Variants in GALNT17 observed in about 807,000 individuals in gnomAD.
GALNT17 encodes the protein UDP-GalNAc:polypeptide N-acetylgalactosaminyltransferase-like 3.
In GALNT17, 29 loss-of-function variants were observed where a neutral mutation model predicts 63.7. That is an observed-to-expected ratio of 0.46 (90% CI 0.34 to 0.62). The LOEUF is 0.62. Among genes scored for constraint, GALNT17 ranks in the 20% least tolerant of loss-of-function variants. GALNT17 has a pLI of 0.01. For synonymous variants in GALNT17, 305 were observed against 318.3 expected (o/e 0.96, Z 0.45); for missense variants, 603 against 799.6 (o/e 0.75, Z 2.97).
chr7:71,251,563 C>T (rs1314034886), intron 1 of GALNT17, among the ~76,000 whole-genome samples: 1 of 152,112 alleles, frequency 6.6e-6, no homozygotes, highest in Non-Finnish European at 1.5e-5. Flanking sequence ...GTGTGCACCA[C>T]TGCACCTAGC....
chr7:71,212,845 T>C (rs1213536324), intron 1 of GALNT17, among the ~76,000 whole-genome samples: 2 of 152,180 alleles, frequency 1.3e-5, no homozygotes, highest in Non-Finnish European at 2.9e-5. Flanking sequence ...ATTTACCCAA[T>C]ACCTGTACCC....
At chr7:71,542,586 C>A (rs1488030933) in intron 5 of GALNT17, among the ~76,000 whole-genome samples, 1 of 151,552 alleles carries the variant, frequency 6.6e-6, no homozygotes, top group African/African-American at 2.4e-5. Context: ...GTCCCAGCTA[C>A]TCTGGAGGCT....
chr7:71,362,892 A>G (rs1008863572), intron 2 of GALNT17, among the ~76,000 whole-genome samples: 1 of 151,128 alleles, frequency 6.6e-6, no homozygotes, highest in East Asian at 1.9e-4. Flanking sequence ...CACGCTGAAC[A>G]CTCCTTTCCC....
rs1404668077 is a variant in GALNT17 at position 71,602,695 on chromosome 7, G to C, written c.1080+31293G>C. ...TCATTTTCAGGCTCCCAGATTAATT[G>C]TAGATTGTCAGAGGGCCCCAAAAGT... is the stretch of plus-strand genomic sequence containing the variant. On this transcript the variant is annotated intron_variant, in intron 6 of 10. Transcript: ENST00000333538. Among the ~76,000 whole-genome samples, 5 of 152,224 alleles carry C rather than the reference G, an allele frequency of 3.3e-5. No homozygotes were observed. In the South Asian group the frequency reaches 1.0e-3, roughly 32 times the overall value.
At chr7:71,194,796 T>C (rs571546567) in intron 1 of GALNT17, among the ~76,000 whole-genome samples, 9 of 152,234 alleles carry the variant, frequency 5.9e-5, no homozygotes, top group Non-Finnish European at 1.2e-4. Context: ...AATTAAAGCA[T>C]GCTACCTTGG....
At chr7:71,667,859 G>C (rs942762109) in intron 7 of GALNT17, among the ~76,000 whole-genome samples, 1 of 151,880 alleles carries the variant, frequency 6.6e-6, no homozygotes, top group Non-Finnish European at 1.5e-5. Context: ...GAGTGTAGTG[G>C]TACGATCTTG....
intron 2 of GALNT17, among the ~76,000 whole-genome samples, chr7:71,375,611 GA>G (rs1343425986): frequency 6.6e-6 from 1 of 152,152 alleles, no homozygotes; most frequent in African/African-American, 2.4e-5. Context: ...TAGAGACACG[GA>G]TCTCCCTCTG....
chr7:71,256,971 A>ACT (rs1044311444), intron 1 of GALNT17, among the ~76,000 whole-genome samples: 56 of 151,280 alleles, frequency 3.7e-4, no homozygotes, highest in Admixed American at 2.7e-3. Flanking sequence ...TTCTAAAAGG[A>ACT]CTCTCTCTCT....
chr7:71,420,763 C>A, intron 4 of GALNT17, 145 bp from the exon 5 acceptor site: 1 of 921,672 alleles, frequency 1.1e-6, no homozygotes, highest in Non-Finnish European at 1.7e-6. Context: ...GTGGGCAGGT[C>A]CCTGGGAGCC....
At chr7:71,201,136 A>G (rs1202644) in intron 1 of GALNT17, among the ~76,000 whole-genome samples, 49,812 of 150,370 alleles carry the variant, frequency 0.33, 10,048 homozygotes, top group African/African-American at 0.57. Context: ...CATTAAATCC[A>G]TTTTCAGTAA....
chr7:71,143,878 TAA>T (rs373113522), intron 1 of GALNT17, among the ~76,000 whole-genome samples: 15 of 142,360 alleles, frequency 1.1e-4, no homozygotes, highest in African/African-American at 1.8e-4. Flanking sequence ...CATCTCTATT[TAA>T]AAAAAAAAAA....
chr7:71,207,082 G>A (rs1789285854), intron 1 of GALNT17, among the ~76,000 whole-genome samples: 1 of 151,906 alleles, frequency 6.6e-6, no homozygotes, highest in Non-Finnish European at 1.5e-5. Context: ...CTCCAGCCTG[G>A]GCGACAGAGC....
intron 1 of GALNT17, among the ~76,000 whole-genome samples, chr7:71,328,461 A>G (rs1166957352): frequency 6.6e-6 from 1 of 152,038 alleles, no homozygotes; most frequent in Non-Finnish European, 1.5e-5. Flanking sequence ...GCCTCTGACG[A>G]CTGAGCAAGG....
At chr7:71,409,102 C>T (rs1563071636) in intron 3 of GALNT17, among the ~76,000 whole-genome samples, 1 of 151,040 alleles carries the variant, frequency 6.6e-6, no homozygotes. Flanking sequence ...AATGGCATGC[C>T]AAACCCTCAC....
chr7:71,698,706 A>G (rs971709348), intron 9 of GALNT17, among the ~76,000 whole-genome samples: 5 of 152,138 alleles, frequency 3.3e-5, no homozygotes, highest in Admixed American at 1.3e-4. Context: ...AGAAGGAAAC[A>G]GAGGAGCCTG....
intron 1 of GALNT17, among the ~76,000 whole-genome samples, chr7:71,271,206 A>G (rs532434283): frequency 1.3e-5 from 2 of 152,326 alleles, no homozygotes; most frequent in African/African-American, 2.4e-5. Context: ...TGGGTGCTGC[A>G]TATTTTCTTT....
rs1791620772 is a variant in GALNT17, at chr7:71,321,922, C to CTTCCTTCCTTCCTTCCTTCCCCTCCCT, written c.239-13628_239-13627insTTCCTTCCTTCCTTCCTTCCCCTCCCT. Among the ~76,000 whole-genome samples, 49 of 28,472 alleles carry CTTCCTTCCTTCCTTCCTTCCCCTCCCT rather than the reference C, an allele frequency of 1.7e-3. 1 individual carries two copies. Among genetic ancestry groups the CTTCCTTCCTTCCTTCCTTCCCCTCCCT allele is most frequent in the Non-Finnish European group, 4.7e-4 (7 of 14,888 alleles). 18.7% of individuals were successfully genotyped at this position (28,472 alleles called of 152,430 possible). On this transcript the variant is annotated intron_variant, in intron 1 of 10. Coordinates refer to ENST00000333538, the MANE Select transcript of GALNT17 (RefSeq NM_022479.3). The stretch of plus-strand genomic sequence containing the variant: ...TCCTTCCTTCCTTCCTTCCTTCCTT[C>CTTCCTTCCTTCCTTCCTTCCCCTCCCT]CCCTCCCTCCCTCCCTCCCTCCCTT...
rs1787715197 is a variant in GALNT17, at chr7:71,133,053, G to C, written c.238+13G>C. 6.5e-7 allele frequency: 1 copy of C among 1,536,160 alleles called. No homozygotes were observed. Among genetic ancestry groups the C allele is most frequent in the African/African-American group, 1.4e-5 (1 of 71,050 alleles). On this transcript the variant is annotated intron_variant, in intron 1 of 10. Transcript: ENST00000333538. ...CGGCAGCTGAATGGTAAGGACGCAC[G>C]CCGGCGCCTCCGGGGCTCGACGCGG...
intron 1 of GALNT17, among the ~76,000 whole-genome samples, chr7:71,289,205 CTTT>C (rs35418833): frequency 5.1e-5 from 6 of 117,884 alleles, no homozygotes; most frequent in Non-Finnish European, 3.6e-5. Context: ...CTGACCACGT[CTTT>C]TTTTTTTTTT....
Sources: allele counts gnomAD v4.1 joint callset (sites outside exome capture counted in the v4.1 genomes callset), GRCh38; gene constraint gnomAD v4.1.1; transcripts MANE v1.5; gene names NCBI Gene and HGNC (gene_info 2026-07-23, HGNC 2026-07-21).